Variants in PFKFB3 observed in about 807,000 individuals in gnomAD.
PFKFB3 encodes the protein 6-phosphofructo-2-kinase/fructose-2,6-bisphosphatase 3.
Under a neutral mutation model 68.0 loss-of-function variants are expected in PFKFB3, and 33 were observed. That is an observed-to-expected ratio of 0.49 (90% CI 0.37 to 0.65). The LOEUF is 0.65. Among genes scored for constraint, PFKFB3 ranks in the 30% least tolerant of loss-of-function variants. The pLI is 0.00. For synonymous variants in PFKFB3, 315 were observed against 288.2 expected (o/e 1.09, Z -0.94); for missense variants, 586 against 712.2 (o/e 0.82, Z 2.02).
chr10:6,153,006 C>T (rs1443275856), intron 1 of PFKFB3, among the ~76,000 whole-genome samples: 2 of 151,900 alleles, frequency 1.3e-5, no homozygotes, highest in Non-Finnish European at 1.5e-5. Context: ...ATGGTGAAAC[C>T]CCATCTCTAC....
chr10:6,206,538 G>C, intron 1 of PFKFB3, among the ~76,000 whole-genome samples: 2 of 117,774 alleles, frequency 1.7e-5, no homozygotes, highest in African/African-American at 8.0e-5. Context: ...GCCGGGCAGA[G>C]GCGCCCCTCA....
intron 1 of PFKFB3, among the ~76,000 whole-genome samples, chr10:6,180,170 T>C (rs1391975251): frequency 6.6e-6 from 1 of 151,834 alleles, no homozygotes; most frequent in Non-Finnish European, 1.5e-5. Context: ...AGTGAGACCC[T>C]GTCTCTAAAA....
upstream of PFKFB3, among the ~76,000 whole-genome samples, chr10:6,199,198 C>T (rs1843253554): frequency 6.6e-6 from 1 of 152,214 alleles, no homozygotes; most frequent in South Asian, 2.1e-4. Context: ...TGATTGCTCC[C>T]AGACTACCAT....
At chr10:6,145,327 C>T (rs1215955769) in intron 1 of PFKFB3, among the ~76,000 whole-genome samples, 1 of 152,008 alleles carries the variant, frequency 6.6e-6, no homozygotes, top group Non-Finnish European at 1.5e-5. Flanking sequence ...CCCGCGTCTC[C>T]TCTGCAGCCC....
At chr10:6,257,047 T>C (rs1564239029), downstream of PFKFB3, among the ~76,000 whole-genome samples, 1 of 152,244 alleles carries the variant, frequency 6.6e-6, no homozygotes, top group Non-Finnish European at 1.5e-5. Flanking sequence ...TTTAAAATTT[T>C]TTTTTCTTTC....
At chr10:6,211,991 T>A (rs1844260696) in intron 1 of PFKFB3, among the ~76,000 whole-genome samples, 1 of 152,240 alleles carries the variant, frequency 6.6e-6, no homozygotes, top group Admixed American at 6.5e-5. Context: ...TTTCCTGAGC[T>A]GCGGCCCGTC....
At chr10:6,325,482 A>G in the PFKFB3 span, among the ~76,000 whole-genome samples, 4 of 152,244 alleles carry the variant, frequency 2.6e-5, no homozygotes, top group Admixed American at 1.3e-4. Context: ...AATATGTATC[A>G]TATTTTCACA....
intron 1 of PFKFB3, 46 bp downstream of exon 1, chr10:6,203,382 G>T (rs374758362): frequency 1.3e-6 from 2 of 1,498,338 alleles, no homozygotes; most frequent in African/African-American, 1.4e-5. Flanking sequence ...GGCTGCGCCG[G>T]GCCGGGCCAT....
rs2132000131 is a variant in PFKFB3 at position 6,224,086 on chromosome 10, G to T, written c.1277-63G>T. The T allele has an allele frequency of 1.9e-6, 3 of 1,611,358 alleles. No homozygotes were observed. The Admixed American group carries it at 5.0e-5, about 27-fold the overall frequency. On this transcript the variant is annotated intron_variant, in intron 12 of 14. Coordinates refer to ENST00000379775, the MANE Select transcript of PFKFB3 (RefSeq NM_004566.4). ...GGCCACAGTAGCTTCTTGTGGCCGT[G>T]GGCTGTAAGCGGTGCTGTCCCTTTA...
intron 1 of PFKFB3, among the ~76,000 whole-genome samples, chr10:6,174,934 G>A (rs1759703874): frequency 6.6e-6 from 1 of 151,484 alleles, no homozygotes; most frequent in African/African-American, 2.4e-5. Flanking sequence ...TCCTGCCTTA[G>A]CCTCCCAAGT....
rs757913838 is a variant in PFKFB3, at chr10:6,154,927, T to C, written c.16+9914T>C. Among the ~76,000 whole-genome samples, 5 of 152,180 alleles carry C rather than the reference T, an allele frequency of 3.3e-5. No individual in the cohort carries two copies. The South Asian group carries it at 6.2e-4, about 19-fold the overall frequency. ...TCTAGGCCCTGTCCTTGGTAGAGGCTGTGAGTGGCCCGTAGGAGGTCATGG... is the reference window on the plus strand; with the variant it reads ...TCTAGGCCCTGTCCTTGGTAGAGGCCGTGAGTGGCCCGTAGGAGGTCATGG... On this transcript the variant is annotated intron_variant, in intron 1 of 14. Coordinates refer to the PFKFB3 transcript ENST00000379789. The surrounding 1 kb of genome is among the most constrained non-coding windows in gnomAD (Gnocchi z 4.6).
rs1400807525 is a variant in PFKFB3, at chr10:6,183,833, A to G, written c.17-29790A>G. Among the ~76,000 whole-genome samples, 66 of 150,890 alleles carry G rather than the reference A, an allele frequency of 4.4e-4. 1 individual carries two copies. The South Asian group carries it at 5.8e-3, about 13-fold the overall frequency. On this transcript the variant is annotated intron_variant, in intron 1 of 14. Transcript: ENST00000379789. ...CTCCCAAGTAGTTGGGACTACAGAC[A>G]ACTGCCACCACGCCCGGCTAATTTT...
At chr10:6,295,101 G>C in the PFKFB3 span, among the ~76,000 whole-genome samples, 1 of 151,990 alleles carries the variant, frequency 6.6e-6, no homozygotes, top group African/African-American at 2.4e-5. Context: ...TGTGTTCACT[G>C]TTTGCTGTAG....
the PFKFB3 span, among the ~76,000 whole-genome samples, chr10:6,310,705 A>T: frequency 6.6e-6 from 1 of 152,220 alleles, no homozygotes; most frequent in African/African-American, 2.4e-5. Context: ...AAGGAATACT[A>T]CTATATTTGT....
intron 1 of PFKFB3, among the ~76,000 whole-genome samples, chr10:6,167,630 C>T (rs73614013): frequency 0.016 from 2,482 of 152,290 alleles, 51 homozygotes; most frequent in African/African-American, 0.055. Flanking sequence ...TTATCAAGAA[C>T]TCAGCCAGAA....
chr10:6,206,814 CA>C (rs1843767717), intron 1 of PFKFB3, among the ~76,000 whole-genome samples: 1 of 32,492 alleles, frequency 3.1e-5, no homozygotes, highest in Non-Finnish European at 6.6e-5. Context: ...GGCGGCCGGG[CA>C]GAGACGCTCC....
the PFKFB3 span, among the ~76,000 whole-genome samples, chr10:6,298,052 C>T: frequency 6.6e-6 from 1 of 152,032 alleles, no homozygotes; most frequent in African/African-American, 2.4e-5. Context: ...ATGGAACTTA[C>T]CAGAACAGAA....
chr10:6,245,171 A>G (rs1482293554), intron 14 of PFKFB3, among the ~76,000 whole-genome samples: 1 of 152,104 alleles, frequency 6.6e-6, no homozygotes, highest in East Asian at 1.9e-4. Context: ...ATCTCAGCTC[A>G]CTGCAACCTC....
intron 1 of PFKFB3, among the ~76,000 whole-genome samples, chr10:6,207,323 G>C (rs558584276): frequency 7.2e-5 from 11 of 152,258 alleles, no homozygotes; most frequent in Non-Finnish European, 2.9e-5. Flanking sequence ...TGCAATCGCA[G>C]GCACTCGGCA....
Sources: allele counts gnomAD v4.1 joint callset (sites outside exome capture counted in the v4.1 genomes callset), GRCh38; gene constraint gnomAD v4.1.1; non-coding constraint Gnocchi (gnomAD v3.1); transcripts MANE v1.5; gene names NCBI Gene and HGNC (gene_info 2026-07-23, HGNC 2026-07-21).